ASMTL: variants seen among roughly 807,000 people sequenced by gnomAD.
ASMTL encodes the protein acetylserotonin O-methyltransferase like, also known as probable bifunctional dTTP/UTP pyrophosphatase/methyltransferase protein.
ASMTL carries 57 observed loss-of-function variants against 60.3 expected under a neutral mutation model. The ratio of observed to expected loss-of-function variants is 0.95; its 90% CI spans 0.76 to 1.18. ASMTL has a LOEUF of 1.18. Ranked by LOEUF, ASMTL falls within the 50% of genes most tolerant of loss-of-function variation. The pLI is 0.00. For missense variants in ASMTL, 981 were observed against 852.6 expected, an observed-to-expected ratio of 1.15 and a Z score of -1.88; for synonymous variants, 419 against 373.0, an observed-to-expected ratio of 1.12 and a Z score of -1.42.
chrX:1,430,991 CTT>C lies in ASMTL; in HGVS notation c.509+1276_509+1277del, dbSNP rs1433488228. Among the ~76,000 whole-genome samples the C allele has an allele frequency of 4.9e-3, 645 of 132,290 alleles. 3 individuals carry two copies. The highest frequency in any genetic ancestry group is 8.3e-3 in the Non-Finnish European group (548 of 65,818). The allele number at this position is 132,290 out of a possible 152,430, so 86.8% of individuals were successfully genotyped here. On this transcript the variant is annotated intron_variant, in intron 6 of 12. Transcript: ENST00000381317. Reference sequence around the variant, plus strand: ...AATATATAATTTACATATAATCACACTTTATATTATTATGTAATATGTATTAA... The same window carrying C: ...AATATATAATTTACATATAATCACACTATATTATTATGTAATATGTATTAA...
chrX:1,415,662 C>T (rs1274533055), intron 11 of ASMTL, among the ~76,000 whole-genome samples: 11 of 152,088 alleles, frequency 7.2e-5, no homozygotes, highest in African/African-American at 9.6e-5. Flanking sequence ...GATGGGGTTT[C>T]GCCATGTTGG....
chrX:1,421,154 G>T (rs1168102325), intron 9 of ASMTL, among the ~76,000 whole-genome samples: 1 of 151,818 alleles, frequency 6.6e-6, no homozygotes, highest in East Asian at 1.9e-4. Flanking sequence ...TAGTAGAGAT[G>T]GGGTTTCAGC....
chrX:1,434,335 C>T (rs1164913375), intron 5 of ASMTL, among the ~76,000 whole-genome samples: 1 of 151,678 alleles, frequency 6.6e-6, no homozygotes, highest in Non-Finnish European at 1.5e-5. Flanking sequence ...ATAAAAAATA[C>T]AAAAATGAGC....
chrX:1,417,691 A>C (rs2090342848), intron 11 of ASMTL, among the ~76,000 whole-genome samples: 2 of 150,980 alleles, frequency 1.3e-5, no homozygotes, highest in Admixed American at 1.3e-4. Context: ...GCAACCACAC[A>C]CCAGAGACGT....
At chrX:1,421,241 C>T (rs73180928) in intron 9 of ASMTL, among the ~76,000 whole-genome samples, 8,679 of 152,152 alleles carry the variant, frequency 0.057, 438 homozygotes, top group Admixed American at 0.17. Context: ...GCTGGGATTA[C>T]AGGCTCATGC....
At chrX:1,418,936 C>T (rs1569532445) in intron 10 of ASMTL, 46 bp downstream of exon 10, 4 of 1,610,564 alleles carry the variant, frequency 2.5e-6, no homozygotes, top group South Asian at 2.2e-5. Flanking sequence ...ATACCTGTGG[C>T]TTAATAAACG....
chrX:1,407,567 A>C (rs1219551300), intron 12 of ASMTL, among the ~76,000 whole-genome samples: 1 of 152,030 alleles, frequency 6.6e-6, no homozygotes, highest in East Asian at 1.9e-4. Flanking sequence ...ATAATAAATG[A>C]TAGACAGATG....
At chrX:1,446,500 A>T (rs1436987064) in intron 1 of ASMTL, among the ~76,000 whole-genome samples, 12 of 131,746 alleles carry the variant, frequency 9.1e-5, no homozygotes, top group Non-Finnish European at 1.3e-4. Context: ...ATCTCATGAC[A>T]TTTTTTTTTT....
intron 10 of ASMTL, 109 bp from the exon 11 acceptor site, chrX:1,418,225 C>G: frequency 1.6e-6 from 2 of 1,280,272 alleles, no homozygotes; most frequent in East Asian, 2.5e-5. Context: ...GGCATTGATT[C>G]CCATGCTGGA....
intron 8 of ASMTL, among the ~76,000 whole-genome samples, chrX:1,424,765 CTCATCCAT>C (rs2090569129): frequency 6.6e-6 from 1 of 151,020 alleles, no homozygotes; most frequent in Non-Finnish European, 1.5e-5. Context: ...CACTCACCCA[CTCATCCAT>C]CCACCCATCC....
chrX:1,425,674 G>A lies in ASMTL; in HGVS notation c.911C>T (p.Ala304Val). 6.2e-7 allele frequency: 1 copy of A among 1,613,502 alleles called. No homozygotes were observed. The highest frequency in any genetic ancestry group is 8.5e-7 in the Non-Finnish European group (1 of 1,179,742). Residue 304 changes from alanine (A) to valine (V), a missense_variant, in exon 8 of 13, where the codon GCT (alanine) becomes GTT (valine). Ala to Val is a moderately conservative substitution (Grantham distance 64, BLOSUM62 0). Transcript: ENST00000381317. ...GFMLSKGLLT[A>V]CKLKVFDLLK... ...CAAATCGAACACCTTCAGTTTGCAA[G>A]CGGTGAGCAGGCCCTGTTAAAAGCA... is the stretch of plus-strand genomic sequence containing the variant.
intron 1 of ASMTL, among the ~76,000 whole-genome samples, chrX:1,452,219 TC>T (rs1192145203): frequency 7.3e-6 from 1 of 136,212 alleles, no homozygotes; most frequent in Non-Finnish European, 1.6e-5. Flanking sequence ...TGCCTGGGGG[TC>T]CCGGGTTACT....
rs1361709552 is a variant in ASMTL, at chrX:1,440,111, G to A, written c.226-967C>T. Among the ~76,000 whole-genome samples the A allele has an allele frequency of 2.0e-5, 3 of 149,734 alleles. No homozygotes were observed. In the East Asian group the frequency reaches 5.9e-4, roughly 30 times the overall value. On this transcript the variant is annotated intron_variant, in intron 2 of 12. Coordinates refer to ENST00000381317, the MANE Select transcript of ASMTL (RefSeq NM_004192.4). ...TTTCTTTTTTTTTTTTTTTGAGATG[G>A]AGTCTCGCTCTGTCGCCCAGGCTGG... is the stretch of plus-strand genomic sequence containing the variant.
In ASMTL at chrX:1,427,898, CG is replaced by C. The variant is rs1438753766; in HGVS notation, c.732del (p.Gly245AlafsTer47). 3.7e-6 allele frequency: 6 copies of C among 1,613,124 alleles called. No homozygotes were observed. The highest frequency in any genetic ancestry group is 1.1e-5 in the South Asian group (1 of 91,072). ...TFEDLSDVEG[G>X]GSEPTQRDAG... is the part of the protein sequence containing the mutation. ...GCGTCCCTCTGAGTGGGCTCCGAGC[CG>C]CCCCCCTCCACGTCACTGAGGTCTT... On this transcript the variant is annotated frameshift_variant, in exon 7 of 13. Transcript: ENST00000381317. LOFTEE classifies it high-confidence loss of function.
rs753794936 is a variant in ASMTL at position 1,450,798 on chromosome X, C to T, written c.93+1950G>A. On this transcript the variant is annotated intron_variant, in intron 1 of 12. Transcript: ENST00000381317. ...TCCCCTCCCCCAACCCTAGGGGTCCCAGGTTACTTTCCCCACCCACATCCC... is the reference window on the plus strand; with the variant it reads ...TCCCCTCCCCCAACCCTAGGGGTCCTAGGTTACTTTCCCCACCCACATCCC... Among the ~76,000 whole-genome samples the T allele has an allele frequency of 1.1e-3, 158 of 138,736 alleles. 8 individuals are homozygous for T. Among genetic ancestry groups the T allele is most frequent in the African/African-American group, 4.0e-3 (146 of 36,766 alleles). 91.0% of individuals were successfully genotyped at this position (138,736 alleles called of 152,430 possible).
intron 6 of ASMTL, among the ~76,000 whole-genome samples, chrX:1,428,542 G>A (rs2090678025): frequency 6.6e-6 from 1 of 151,606 alleles, no homozygotes; most frequent in African/African-American, 2.4e-5. Flanking sequence ...AGCTACCCAG[G>A]AGGCTGAGAC....
chrX:1,442,161 G>T, intron 2 of ASMTL, 25 bp downstream of exon 2: 1 of 1,609,680 alleles, frequency 6.2e-7, no homozygotes, highest in Admixed American at 1.7e-5. Context: ...ATTTTCATAA[G>T]GGCCGAAGGG....
chrX:1,450,058 TCCATCACCAGTAACTATGCCC>T (rs1161537171), intron 1 of ASMTL, among the ~76,000 whole-genome samples: 1 of 131,506 alleles, frequency 7.6e-6, no homozygotes, highest in Non-Finnish European at 1.6e-5. Flanking sequence ...TAACTATCCT[TCCATCACCAGTAACTATGCCC>T]CCATCACCAG....
intron 1 of ASMTL, among the ~76,000 whole-genome samples, chrX:1,443,387 C>T (rs1253306307): frequency 4.7e-4 from 21 of 44,880 alleles, no homozygotes; most frequent in African/African-American, 6.7e-4. Context: ...CATGGACACA[C>T]GCCGCCATCT....
Sources: allele counts gnomAD v4.1 joint callset (sites outside exome capture counted in the v4.1 genomes callset), GRCh38; gene constraint gnomAD v4.1.1; transcripts MANE v1.5; gene names NCBI Gene and HGNC (gene_info 2026-07-23, HGNC 2026-07-21).